Variants in BMPR1A observed in about 807,000 individuals in gnomAD.
BMPR1A encodes bone morphogenetic protein receptor type 1A, also known as bone morphogenetic protein receptor type-1A.
In BMPR1A, 7 loss-of-function variants were observed where a neutral mutation model predicts 66.0. The observed-to-expected ratio is 0.11, with a 90% CI of 0.06 to 0.20. The LOEUF (loss-of-function observed/expected upper bound fraction) is 0.20, where lower values mean the gene tolerates loss of function less well. Among genes scored for constraint, BMPR1A ranks in the 10% least tolerant of loss-of-function variants. BMPR1A has a pLI of 1.00. For missense variants in BMPR1A, 408 were observed against 669.1 expected (o/e 0.61, Z 4.31); for synonymous variants, 200 against 229.7 (o/e 0.87, Z 1.17).
At chr10:86,855,235 G>T (rs753135123) in intron 2 of BMPR1A, 17 of 1,044,866 alleles carry the variant, frequency 1.6e-5, no homozygotes, top group Non-Finnish European at 2.1e-5. Context: ...GAGGCTTCAG[G>T]TTTCAGACAC....
At chr10:86,890,328 A>G in intron 4 of BMPR1A, 104 bp downstream of exon 4, 1 of 1,399,810 alleles carries the variant, frequency 7.1e-7, no homozygotes, top group Admixed American at 1.9e-5. Context: ...TTTCATTCAT[A>G]TATAGTATCT....
chr10:86,888,826 CAA>C (rs11353145), intron 3 of BMPR1A, among the ~76,000 whole-genome samples: 7,717 of 85,378 alleles, frequency 0.09, 452 homozygotes, highest in African/African-American at 0.21. Flanking sequence ...GACCATGTCT[CAA>C]AAAAAAAAAA....
intron 8 of BMPR1A, among the ~76,000 whole-genome samples, chr10:86,914,971 G>C (rs1479186146): frequency 1.3e-5 from 2 of 152,090 alleles, no homozygotes; most frequent in Non-Finnish European, 2.9e-5. Context: ...CTCATGAATT[G>C]CTAAATGAAT....
At chr10:86,891,760 A>T (rs1843152786) in intron 4 of BMPR1A, among the ~76,000 whole-genome samples, 1 of 152,210 alleles carries the variant, frequency 6.6e-6, no homozygotes, top group Admixed American at 6.5e-5. Context: ...AATGGGTAAA[A>T]AGAGACAAAG....
intron 1 of BMPR1A, among the ~76,000 whole-genome samples, chr10:86,824,535 C>G (rs1842166658): frequency 6.6e-6 from 1 of 152,124 alleles, no homozygotes; most frequent in African/African-American, 2.4e-5. Flanking sequence ...CAGCGCTGTC[C>G]CACACCTGGC....
intron 1 of BMPR1A, among the ~76,000 whole-genome samples, chr10:86,824,081 T>TGTGTGTGTGTGTG (rs1842157809): frequency 4.3e-5 from 4 of 94,036 alleles, no homozygotes; most frequent in African/African-American, 1.2e-4. Context: ...TTACCAAGGG[T>TGTGTGTGTGTGTG]TGTGTGTGTG....
chr10:86,912,738 A>G (rs1843509464), intron 8 of BMPR1A, among the ~76,000 whole-genome samples: 2 of 152,194 alleles, frequency 1.3e-5, no homozygotes, highest in South Asian at 4.1e-4. Flanking sequence ...AATCAGGTAT[A>G]AGATTCCTTG....
chr10:86,903,640 C>T (rs1843343174), intron 7 of BMPR1A, among the ~76,000 whole-genome samples: 1 of 151,890 alleles, frequency 6.6e-6, no homozygotes, highest in South Asian at 2.1e-4. Flanking sequence ...GAGACAGAGT[C>T]TCGCTCTGTC....
At chr10:86,886,284 A>G (rs1034627225) in intron 3 of BMPR1A, among the ~76,000 whole-genome samples, 1 of 152,234 alleles carries the variant, frequency 6.6e-6, no homozygotes, top group Non-Finnish European at 1.5e-5. Flanking sequence ...TTCTGAGTGC[A>G]TTGTGGAGCC....
intron 1 of BMPR1A, among the ~76,000 whole-genome samples, chr10:86,770,088 C>A (rs997813061): frequency 6.6e-6 from 1 of 151,952 alleles, no homozygotes; most frequent in South Asian, 2.1e-4. Context: ...CTCAGGAGTT[C>A]GAGATCAGCC....
At chr10:86,758,553 A>G (rs954436693) in intron 1 of BMPR1A, among the ~76,000 whole-genome samples, 4 of 152,160 alleles carry the variant, frequency 2.6e-5, no homozygotes, top group African/African-American at 9.7e-5. Flanking sequence ...TACTCCTTCA[A>G]GCTGTCTTGT....
intron 1 of BMPR1A, among the ~76,000 whole-genome samples, chr10:86,826,463 C>G (rs542586903): frequency 8.0e-5 from 12 of 150,148 alleles, no homozygotes; most frequent in Non-Finnish European, 1.6e-4. Context: ...TGTCATATTT[C>G]TTTAGTTTCC....
At chr10:86,787,897 C>G (rs1399458932) in intron 1 of BMPR1A, among the ~76,000 whole-genome samples, 1 of 149,862 alleles carries the variant, frequency 6.7e-6, no homozygotes, top group Admixed American at 6.6e-5. Context: ...CCCCCATAAT[C>G]CAATCATCTC....
intron 2 of BMPR1A, among the ~76,000 whole-genome samples, chr10:86,858,214 C>T (rs569973676): frequency 6.6e-6 from 1 of 152,184 alleles, no homozygotes; most frequent in Admixed American, 6.5e-5. Context: ...CATGATGAAA[C>T]CTCTCAGCAA....
chr10:86,771,608 A>T (rs906642876), intron 1 of BMPR1A, among the ~76,000 whole-genome samples: 5 of 152,230 alleles, frequency 3.3e-5, no homozygotes, highest in African/African-American at 1.2e-4. Flanking sequence ...TCTTAACCAC[A>T]TAATTATATT....
chr10:86,917,349 A>G lies in BMPR1A; in HGVS notation c.868+23A>G, dbSNP rs767972405. Reference sequence around the variant, plus strand: ...TTGGTGGGTACACACTGATTCAGTCAATTTCATTTTTGACAAGGCTAGTGA... The same window carrying G: ...TTGGTGGGTACACACTGATTCAGTCGATTTCATTTTTGACAAGGCTAGTGA... On this transcript the variant is annotated intron_variant, in intron 9 of 12. Coordinates refer to ENST00000372037, the MANE Select transcript of BMPR1A (RefSeq NM_004329.3). 1.3e-4 allele frequency: 208 copies of G among 1,613,542 alleles called. 3 individuals carry two copies. In the South Asian group the frequency reaches 2.2e-3, roughly 17 times the overall value.
At chr10:86,929,408 G>T (rs896925478), downstream of BMPR1A, 1 of 152,250 alleles carries the variant, frequency 6.6e-6, no homozygotes, top group East Asian at 1.9e-4. Context: ...ATACTTTCTT[G>T]TCATTTTCCC....
intron 1 of BMPR1A, among the ~76,000 whole-genome samples, chr10:86,789,875 G>A (rs1296357725): frequency 6.6e-6 from 1 of 151,444 alleles, no homozygotes; most frequent in Non-Finnish European, 1.5e-5. Context: ...ATAAATCAAA[G>A]GCTGGGCACG....
At chr10:86,782,435 T>C (rs1841451282) in intron 1 of BMPR1A, among the ~76,000 whole-genome samples, 1 of 152,202 alleles carries the variant, frequency 6.6e-6, no homozygotes, top group South Asian at 2.1e-4. Flanking sequence ...TTGTACTGTT[T>C]TATAGTCCCA....
Sources: allele counts gnomAD v4.1 joint callset (sites outside exome capture counted in the v4.1 genomes callset), GRCh38; gene constraint gnomAD v4.1.1; transcripts MANE v1.5; gene names NCBI Gene and HGNC (gene_info 2026-07-23, HGNC 2026-07-21).